D2HGDH: variants seen among roughly 807,000 people sequenced by gnomAD.
D2HGDH encodes the protein D-2-hydroxyglutarate dehydrogenase, also known as D-2-hydroxyglutarate dehydrogenase, mitochondrial.
D2HGDH carries 31 observed loss-of-function variants against 46.9 expected under a neutral mutation model. The observed-to-expected ratio is 0.66, with a 90% CI of 0.50 to 0.89. The LOEUF is 0.89. Among genes scored for constraint, D2HGDH ranks in the 40% least tolerant of loss-of-function variants. The pLI is 0.00. For synonymous variants in D2HGDH, 364 were observed against 332.6 expected, an observed-to-expected ratio of 1.09 and a Z score of -1.03; for missense variants, 698 against 720.8, an observed-to-expected ratio of 0.97 and a Z score of 0.36.
At chr2:241,755,520 A>G in intron 8 of D2HGDH, 1 of 1,364,544 alleles carries the variant, frequency 7.3e-7, no homozygotes, top group Non-Finnish European at 9.7e-7. Context: ...CCCTTCTGTG[A>G]GGTGTCCCAG....
chr2:241,735,107 A>G (rs1692397547), intron 1 of D2HGDH, 26 bp from the exon 2 acceptor site: 2 of 1,114,538 alleles, frequency 1.8e-6, no homozygotes, highest in Admixed American at 3.4e-5. Context: ...TGCATAAAAC[A>G]TGAAATTACC....
At chr2:241,759,028 T>G (rs1263102634) in intron 9 of D2HGDH, among the ~76,000 whole-genome samples, 1 of 152,194 alleles carries the variant, frequency 6.6e-6, no homozygotes, top group Non-Finnish European at 1.5e-5. Context: ...GGTTTTCTAG[T>G]TATTTTAAAA....
Position 241,735,390 on chromosome 2 carries a change from C to T in D2HGDH, c.166C>T (p.Arg56Cys). Residue 56 changes from arginine (R) to cysteine (C), a missense_variant, in exon 2 of 10, where the codon CGC becomes TGC. Transcript: ENST00000321264. Reference protein sequence around the residue: ...PLTRERYPVRRLPFSTVSKQD... With the variant: ...PLTRERYPVRCLPFSTVSKQD... Reference sequence around the variant, plus strand: ...GACCCGGGAGCGCTACCCCGTGCGGCGCTTGCCGTTCTCCACGGTGTCTAA... The same window carrying T: ...GACCCGGGAGCGCTACCCCGTGCGGTGCTTGCCGTTCTCCACGGTGTCTAA... The T allele has an allele frequency of 1.9e-6, 3 of 1,593,194 alleles. No individual in the cohort carries two copies. Among genetic ancestry groups the T allele is most frequent in the Non-Finnish European group, 1.7e-6 (2 of 1,173,414 alleles).
At chr2:241,750,422 G>T in intron 7 of D2HGDH, 128 bp downstream of exon 7, 1 of 1,132,602 alleles carries the variant, frequency 8.8e-7, no homozygotes, top group Non-Finnish European at 1.3e-6. Context: ...GTCCCTGGGC[G>T]GAGCATGGAG....
intron 7 of D2HGDH, 110 bp downstream of exon 7, chr2:241,750,404 G>T: frequency 9.4e-7 from 1 of 1,065,994 alleles, no homozygotes; most frequent in Non-Finnish European, 1.4e-6. Context: ...CGGGCGGGCG[G>T]GTGGGGGGTC....
intron 2 of D2HGDH, among the ~76,000 whole-genome samples, chr2:241,736,671 G>GTTT (rs60699346): frequency 6.9e-6 from 1 of 145,054 alleles, no homozygotes; most frequent in Admixed American, 6.9e-5. Flanking sequence ...CCGTTTATCC[G>GTTT]TTTTTTTTTT....
chr2:241,746,485 G>A (rs1296873429), intron 6 of D2HGDH, among the ~76,000 whole-genome samples: 1 of 152,178 alleles, frequency 6.6e-6, no homozygotes, highest in Non-Finnish European at 1.5e-5. Flanking sequence ...TTTAAACATA[G>A]TTTGACGTCT....
chr2:241,767,737 C>G lies in D2HGDH; in HGVS notation c.1334C>G (p.Thr445Arg). 5.0e-6 allele frequency: 8 copies of G among 1,612,880 alleles called. No individual in the cohort carries two copies. Among genetic ancestry groups the G allele is most frequent in the Non-Finnish European group, 5.9e-6 (7 of 1,179,586 alleles). ...GATGGTAACCTGCACCTCAATGTGA[C>G]GGCGGAGGCCTTCAGCCCCTCGCTC... ...LGDGNLHLNV[T>R]AEAFSPSLLA... The change falls in exon 10 of 10, where the codon ACG becomes AGG. Residue 445 changes from threonine to arginine, a missense_variant. Physicochemically the swap from Thr to Arg is moderately conservative, Grantham distance 71. Coordinates refer to ENST00000321264, the MANE Select transcript of D2HGDH (RefSeq NM_152783.5).
chr2:241,745,976 A>G (rs1298711974), intron 6 of D2HGDH, among the ~76,000 whole-genome samples: 1 of 152,112 alleles, frequency 6.6e-6, no homozygotes, highest in African/African-American at 2.4e-5. Context: ...CCCTTGGGCC[A>G]CTTAAAGATC....
At chr2:241,734,878 C>T (rs1692305632) in intron 1 of D2HGDH, 183 bp downstream of exon 1, 4 of 258,558 alleles carry the variant, frequency 1.5e-5, no homozygotes, top group East Asian at 6.7e-5. Flanking sequence ...CCGCGGGATC[C>T]CCTCGGGGGG....
chr2:241,754,846 T>G (rs1575308817), intron 8 of D2HGDH: 7 of 406,790 alleles, frequency 1.7e-5, no homozygotes, highest in Non-Finnish European at 2.1e-5. Flanking sequence ...CAAGTGATCC[T>G]CCTGCCTCAG....
chr2:241,759,508 T>C (rs1194794481), intron 9 of D2HGDH, among the ~76,000 whole-genome samples: 14 of 152,242 alleles, frequency 9.2e-5, no homozygotes, highest in Admixed American at 9.2e-4. Flanking sequence ...ATGTGTTGTT[T>C]TTCCTCCGGT....
intron 6 of D2HGDH, chr2:241,748,778 A>G (rs780499497): frequency 6.4e-6 from 7 of 1,089,272 alleles, no homozygotes; most frequent in Non-Finnish European, 8.0e-6. Flanking sequence ...CTGCCGACTT[A>G]CTCTCTGGGC....
intron 9 of D2HGDH, among the ~76,000 whole-genome samples, chr2:241,756,520 C>A (rs1698198404): frequency 6.6e-6 from 1 of 152,196 alleles, no homozygotes; most frequent in Non-Finnish European, 1.5e-5. Context: ...ATGTTTCAAT[C>A]CTATCAGTTC....
intron 2 of D2HGDH, among the ~76,000 whole-genome samples, chr2:241,736,999 C>T (rs560235631): frequency 5.3e-5 from 8 of 151,212 alleles, no homozygotes; most frequent in East Asian, 2.0e-4. Flanking sequence ...GACGGAGTCT[C>T]GCTCTGTTGC....
At chr2:241,751,222 T>C in intron 7 of D2HGDH, 24 bp from the exon 8 acceptor site, 1 of 1,613,856 alleles carries the variant, frequency 6.2e-7, no homozygotes. Context: ...CTCTGCTCAC[T>C]CTGCCTTCCT....
intron 7 of D2HGDH, 85 bp downstream of exon 7, chr2:241,750,379 TGGGCGGGGGGTGCCCGGGC>T (rs1409666615): frequency 1.0e-4 from 31 of 302,034 alleles, no homozygotes; most frequent in Admixed American, 1.6e-4. Flanking sequence ...AGACCCCGGG[TGGGCGGGGGGTGCCCGGGC>T]GGGCGGGTGG....
At chr2:241,749,665 A>G (rs1004236180) in intron 6 of D2HGDH, 9 of 323,234 alleles carry the variant, frequency 2.8e-5, no homozygotes, top group Non-Finnish European at 4.8e-5. Context: ...CAGAATTCCC[A>G]AGATACGCCC....
chr2:241,751,362 A>C lies in D2HGDH; in HGVS notation c.1114A>C (p.Met372Leu), dbSNP rs778078622. ...LGSGLVTDGT[M>L]ATDQRKVKML... ...CTCCGGCCTGGTGACCGATGGGACC[A>C]TGGCCACCGACCAGAGGAAAGTCAA... is the stretch of plus-strand genomic sequence containing the variant. The change falls in exon 8 of 10, where the codon ATG becomes CTG. Residue 372 changes from methionine (M) to leucine (L), a missense_variant. Coordinates refer to ENST00000321264, the MANE Select transcript of D2HGDH (RefSeq NM_152783.5). The C allele has an allele frequency of 6.2e-7, 1 of 1,613,592 alleles. No homozygotes were observed.
Sources: gnomAD v4.1 joint callset for allele counts (sites outside exome capture counted in the v4.1 genomes callset) on GRCh38, gnomAD v4.1.1 for gene constraint, MANE v1.5 for transcripts, NCBI Gene and HGNC (gene_info 2026-07-23, HGNC 2026-07-21) for gene names.